SORCS2: variants seen among roughly 807,000 people sequenced by gnomAD.
SORCS2 encodes the protein sortilin related VPS10 domain containing receptor 2.
Under a neutral mutation model 141.6 loss-of-function variants are expected in SORCS2, and 100 were observed. That is an observed-to-expected ratio of 0.71 (90% CI 0.60 to 0.83). SORCS2 has a LOEUF of 0.83. Ranked by LOEUF, SORCS2 falls within the 40% of genes least tolerant of loss-of-function variation. The pLI is 0.00. For missense variants in SORCS2, 1,646 were observed against 1,560.2 expected (o/e 1.05, Z -0.93); for synonymous variants, 789 against 676.9 (o/e 1.17, Z -2.57).
chr4:7,623,794 G>C (rs192550094), intron 3 of SORCS2, among the ~76,000 whole-genome samples: 1 of 152,302 alleles, frequency 6.6e-6, no homozygotes, highest in African/African-American at 2.4e-5. Flanking sequence ...TCACTAGACT[G>C]TGTGCTCCAT....
chr4:7,519,773 C>G (rs1300906326), intron 2 of SORCS2, among the ~76,000 whole-genome samples: 1 of 152,248 alleles, frequency 6.6e-6, no homozygotes, highest in Non-Finnish European at 1.5e-5. Flanking sequence ...CTCCTTCCCC[C>G]TCAGCTCCTG....
intron 2 of SORCS2, chr4:7,434,138 AGAGCTCCTGCGGG>A: frequency 6.2e-7 from 1 of 1,613,710 alleles, no homozygotes; most frequent in South Asian, 1.1e-5. Context: ...CCCTTCCTGC[AGAGCTCCTGCGGG>A]GGGAGAAGCC....
chr4:7,422,610 G>C (rs181338039), intron 2 of SORCS2, among the ~76,000 whole-genome samples: 16 of 152,168 alleles, frequency 1.1e-4, no homozygotes, highest in Non-Finnish European at 1.6e-4. Flanking sequence ...TGCTGGGCTA[G>C]GTTGCCATCC....
At chr4:7,391,597 G>A (rs1723868674) in intron 1 of SORCS2, among the ~76,000 whole-genome samples, 1 of 152,140 alleles carries the variant, frequency 6.6e-6, no homozygotes, top group Non-Finnish European at 1.5e-5. Context: ...TCTGGGGAAG[G>A]GTACCCTCAG....
chr4:7,228,680 G>A (rs1397630237), intron 1 of SORCS2, among the ~76,000 whole-genome samples: 1 of 152,124 alleles, frequency 6.6e-6, no homozygotes, highest in Admixed American at 6.5e-5. Context: ...ATCCACTCCT[G>A]GATCCACTTC....
chr4:7,491,656 T>C (rs1479160191), intron 2 of SORCS2, among the ~76,000 whole-genome samples: 1 of 152,236 alleles, frequency 6.6e-6, no homozygotes, highest in East Asian at 1.9e-4. Context: ...CAGGAGATGA[T>C]AGCGGACAAG....
chr4:7,606,281 G>T (rs1041628215), intron 3 of SORCS2, among the ~76,000 whole-genome samples: 1 of 152,156 alleles, frequency 6.6e-6, no homozygotes, highest in Admixed American at 6.5e-5. Context: ...GGAGAATAGA[G>T]CTAGGGTTGT....
rs1560149866 is a variant in SORCS2, at chr4:7,264,413, T to A, written c.480+71287T>A. Among the ~76,000 whole-genome samples the A allele has an allele frequency of 2.6e-5, 4 of 152,208 alleles. No individual in the cohort carries two copies. The East Asian group carries it at 7.8e-4, about 30-fold the overall frequency. On this transcript the variant is annotated intron_variant, in intron 1 of 26. Transcript: ENST00000507866. ...GGATGAGTGACTGCAGGTGTGGGCA[T>A]CTGTCCCCTAGCTGGCCTGGCCTTA...
intron 22 of SORCS2, 139 bp from the exon 23 acceptor site, chr4:7,729,448 C>T (rs1727449405): frequency 8.5e-7 from 1 of 1,173,224 alleles, no homozygotes; most frequent in Admixed American, 2.6e-5. Context: ...GAAGGATCCC[C>T]ACGCCATGCA....
intron 17 of SORCS2, among the ~76,000 whole-genome samples, chr4:7,716,730 C>T (rs548068307): frequency 5.3e-5 from 8 of 152,202 alleles, no homozygotes; most frequent in Middle Eastern, 3.4e-3. Flanking sequence ...CATCTGTCTA[C>T]CCATGCACCT....
intron 1 of SORCS2, among the ~76,000 whole-genome samples, chr4:7,311,278 A>G (rs545811721): frequency 6.6e-6 from 1 of 152,182 alleles, no homozygotes; most frequent in East Asian, 1.9e-4. Flanking sequence ...CTTTTATTCC[A>G]TCCTTTCTAC....
At chr4:7,373,478 A>ATTTT (rs71173496) in intron 1 of SORCS2, among the ~76,000 whole-genome samples, 500 of 36,810 alleles carry the variant, frequency 0.014, 46 homozygotes, top group Non-Finnish European at 0.017. Context: ...ATATATATAT[A>ATTTT]TTTTTTTTTT....
At chr4:7,374,009 C>T (rs761233707) in intron 1 of SORCS2, among the ~76,000 whole-genome samples, 50 of 152,248 alleles carry the variant, frequency 3.3e-4, no homozygotes, top group Middle Eastern at 6.8e-3. Flanking sequence ...TTTCTTCCCC[C>T]TTGTTTTCTT....
intron 2 of SORCS2, chr4:7,433,340 G>A: frequency 3.5e-6 from 5 of 1,426,842 alleles, no homozygotes; most frequent in Non-Finnish European, 4.6e-6. Flanking sequence ...GCGTGGAGGT[G>A]CATCTCTTTC....
At chr4:7,224,590 C>T (rs1030655065) in intron 1 of SORCS2, among the ~76,000 whole-genome samples, 1 of 152,254 alleles carries the variant, frequency 6.6e-6, no homozygotes, top group Admixed American at 6.5e-5. Context: ...CTTATGAGAA[C>T]TCACTTCCTG....
intron 2 of SORCS2, among the ~76,000 whole-genome samples, chr4:7,405,011 C>T (rs1303936617): frequency 2.6e-5 from 4 of 152,038 alleles, no homozygotes; most frequent in African/African-American, 7.2e-5. Flanking sequence ...GTCTTTAATC[C>T]ATCTTGAGTT....
At chr4:7,373,458 T>TTATATA (rs1553850461) in intron 1 of SORCS2, among the ~76,000 whole-genome samples, 15 of 82,828 alleles carry the variant, frequency 1.8e-4, no homozygotes, top group African/African-American at 7.8e-4. Context: ...TGAGAAACTT[T>TTATATA]TATATATATA....
At chr4:7,458,152 CT>C (rs1487815356) in intron 2 of SORCS2, among the ~76,000 whole-genome samples, 1 of 152,154 alleles carries the variant, frequency 6.6e-6, no homozygotes, top group Non-Finnish European at 1.5e-5. Flanking sequence ...GAGGGAAGAT[CT>C]TGTGGGCAGC....
chr4:7,499,990 C>T (rs182397508), intron 2 of SORCS2, among the ~76,000 whole-genome samples: 1 of 152,286 alleles, frequency 6.6e-6, no homozygotes, highest in Non-Finnish European at 1.5e-5. Context: ...CCGCATCAGT[C>T]CATTCACTGG....
Sources: allele counts gnomAD v4.1 joint callset (sites outside exome capture counted in the v4.1 genomes callset), GRCh38; gene constraint gnomAD v4.1.1; transcripts MANE v1.5; gene names NCBI Gene and HGNC (gene_info 2026-07-23, HGNC 2026-07-21).